NKAIN2: variants seen among roughly 807,000 people sequenced by gnomAD.
NKAIN2 encodes the protein sodium/potassium transporting ATPase interacting 2.
In NKAIN2, 14 loss-of-function variants were observed where a neutral mutation model predicts 32.6. That is an observed-to-expected ratio of 0.43 (90% CI 0.28 to 0.67). NKAIN2 has a LOEUF of 0.67. Among genes scored for constraint, NKAIN2 ranks in the 30% least tolerant of loss-of-function variants. The pLI, the probability that NKAIN2 is intolerant of heterozygous loss-of-function variation, is 0.17. For missense variants in NKAIN2, 198 were observed against 258.3 expected (o/e 0.77, Z 1.60); for synonymous variants, 80 against 87.2 (o/e 0.92, Z 0.46).
chr6:124,172,116 A>G (rs1261407687), intron 1 of NKAIN2, among the ~76,000 whole-genome samples: 3 of 152,028 alleles, frequency 2.0e-5, no homozygotes, highest in African/African-American at 7.2e-5. Context: ...CCAGCCCCCA[A>G]TTTTTTTAAT....
chr6:123,824,915 A>G (rs1368234262), intron 1 of NKAIN2, among the ~76,000 whole-genome samples: 1 of 152,080 alleles, frequency 6.6e-6, no homozygotes, highest in African/African-American at 2.4e-5. Context: ...AAGGAAGTAC[A>G]TGATGTGCTT....
chr6:124,586,719 G>T (rs1323479901), intron 3 of NKAIN2, among the ~76,000 whole-genome samples: 2 of 152,064 alleles, frequency 1.3e-5, no homozygotes, highest in African/African-American at 4.8e-5. Flanking sequence ...AAAAGACTAT[G>T]GCCACACAAA....
intron 1 of NKAIN2, among the ~76,000 whole-genome samples, chr6:124,220,506 A>C (rs1237070200): frequency 6.8e-6 from 1 of 147,960 alleles, no homozygotes; most frequent in African/African-American, 2.5e-5. Flanking sequence ...GTACTAAGAT[A>C]AATAGTATTG....
intron 4 of NKAIN2, among the ~76,000 whole-genome samples, chr6:124,784,469 G>A (rs765531024): frequency 1.3e-5 from 2 of 152,004 alleles, no homozygotes; most frequent in Non-Finnish European, 2.9e-5. Context: ...TCTACAACTA[G>A]GATCATATAA....
chr6:124,346,344 T>C (rs925499809), intron 2 of NKAIN2, among the ~76,000 whole-genome samples: 5 of 152,186 alleles, frequency 3.3e-5, no homozygotes, highest in African/African-American at 7.2e-5. Context: ...TAGATGTCTA[T>C]TAGGTCCGCT....
intron 4 of NKAIN2, among the ~76,000 whole-genome samples, chr6:124,782,986 A>G (rs1779342024): frequency 6.6e-6 from 1 of 152,060 alleles, no homozygotes; most frequent in Admixed American, 6.6e-5. Context: ...TTATCTCTAA[A>G]CCGGAAGGCG....
chr6:124,280,516 C>T (rs928394716), intron 1 of NKAIN2, among the ~76,000 whole-genome samples: 7 of 152,216 alleles, frequency 4.6e-5, no homozygotes, highest in South Asian at 4.1e-4. Context: ...CTTAGCACAC[C>T]ACAGCTTGGA....
intron 1 of NKAIN2, among the ~76,000 whole-genome samples, chr6:123,959,925 A>ATG (rs6149793): frequency 0.033 from 4,600 of 141,270 alleles, 78 homozygotes; most frequent in East Asian, 0.053. Context: ...TCTTCCATAT[A>ATG]TGTGTGTGTG....
intron 3 of NKAIN2, among the ~76,000 whole-genome samples, chr6:124,500,872 T>C (rs915686678): frequency 5.9e-5 from 9 of 152,110 alleles, no homozygotes; most frequent in African/African-American, 1.9e-4. Flanking sequence ...AAGTTTAGAC[T>C]AGAAGTCAGT....
At chr6:124,016,879 T>C (rs924232900) in intron 1 of NKAIN2, among the ~76,000 whole-genome samples, 1 of 152,148 alleles carries the variant, frequency 6.6e-6, no homozygotes, top group African/African-American at 2.4e-5. Flanking sequence ...CAGGTCTGCA[T>C]TGCTGCAAAT....
At chr6:124,348,758 T>G (rs1281127201) in intron 2 of NKAIN2, among the ~76,000 whole-genome samples, 1 of 152,176 alleles carries the variant, frequency 6.6e-6, no homozygotes, top group Non-Finnish European at 1.5e-5. Context: ...GGTCAGTGGG[T>G]GCAGTGCACC....
chr6:124,312,187 C>G (rs1273551771), intron 2 of NKAIN2, among the ~76,000 whole-genome samples: 1 of 152,180 alleles, frequency 6.6e-6, no homozygotes, highest in Non-Finnish European at 1.5e-5. Flanking sequence ...AAAACACAAA[C>G]TTTACACCAC....
In NKAIN2 at chr6:124,709,226, C is replaced by A. The variant is rs1179628750; in HGVS notation, c.474+50840C>A. Among the ~76,000 whole-genome samples the A allele has an allele frequency of 2.6e-3, 391 of 148,728 alleles. 1 individual carries two copies. The highest frequency in any genetic ancestry group is 9.1e-3 in the African/African-American group (363 of 40,052). On this transcript the variant is annotated intron_variant, in intron 4 of 6. Coordinates refer to ENST00000368417, the MANE Select transcript of NKAIN2 (RefSeq NM_001040214.3). ...GGTGGATAAGCTTTTTGATGTGCTG[C>A]TGGATTTGTTTTGCCAGTATTTTAT... is the stretch of plus-strand genomic sequence containing the variant.
chr6:124,705,798 G>C (rs924176102), intron 4 of NKAIN2, among the ~76,000 whole-genome samples: 1 of 152,040 alleles, frequency 6.6e-6, no homozygotes, highest in Admixed American at 6.6e-5. Context: ...GCTCAAAATA[G>C]TACGGGTTAG....
intron 4 of NKAIN2, among the ~76,000 whole-genome samples, chr6:124,706,818 G>A (rs1217141312): frequency 6.6e-6 from 1 of 151,786 alleles, no homozygotes; most frequent in African/African-American, 2.4e-5. Flanking sequence ...ATTAAAGGAT[G>A]TTTTCTTTAT....
rs60670238 is a variant in NKAIN2, at chr6:124,701,153, GCACA to G, written c.474+42789_474+42792del. 1.2e-4 allele frequency among the ~76,000 whole-genome samples: 16 copies of G among 132,096 alleles called. No homozygotes were observed. The South Asian group carries it at 3.0e-3, about 25-fold the overall frequency. 86.7% of individuals were successfully genotyped at this position (132,096 alleles called of 152,430 possible). A position where few individuals can be genotyped will look rare whatever the true frequency, so the allele number is the denominator to read the frequency against. Reference sequence around the variant, plus strand: ...AGGAGAGAGATACACACACACACACGCACACACACACACACACACACACACCGGA... The same window carrying G: ...AGGAGAGAGATACACACACACACACGCACACACACACACACACACACCGGA... On this transcript the variant is annotated intron_variant, in intron 4 of 6. Coordinates refer to ENST00000368417, the MANE Select transcript of NKAIN2 (RefSeq NM_001040214.3).
intron 1 of NKAIN2, among the ~76,000 whole-genome samples, chr6:124,085,355 A>G (rs916858215): frequency 3.3e-5 from 5 of 152,070 alleles, no homozygotes; most frequent in Non-Finnish European, 7.4e-5. Flanking sequence ...CTGAATGGCC[A>G]GTCAAGAACC....
intron 3 of NKAIN2, among the ~76,000 whole-genome samples, chr6:124,606,569 A>G (rs1782507292): frequency 6.6e-6 from 1 of 152,168 alleles, no homozygotes; most frequent in Non-Finnish European, 1.5e-5. Context: ...CAAATGAAAG[A>G]TAATTTTTAA....
chr6:123,825,380 A>C (rs928526), intron 1 of NKAIN2, among the ~76,000 whole-genome samples: 18,265 of 152,188 alleles, frequency 0.12, 1,875 homozygotes, highest in East Asian at 0.56. Context: ...TTCTAGCTTA[A>C]GTTGTTGATA....
Sources: allele counts gnomAD v4.1 joint callset (sites outside exome capture counted in the v4.1 genomes callset), GRCh38; gene constraint gnomAD v4.1.1; transcripts MANE v1.5; gene names NCBI Gene and HGNC (gene_info 2026-07-23, HGNC 2026-07-21).